The following CAMTA1 variants were observed in gnomAD, a reference collection of about 807,000 sequenced individuals.
The protein encoded by CAMTA1 is calmodulin binding transcription activator 1, also known as calmodulin-binding transcription activator 1.
Under a neutral mutation model 170.9 loss-of-function variants are expected in CAMTA1, and 27 were observed. The ratio of observed to expected loss-of-function variants is 0.16; its 90% confidence interval spans 0.12 to 0.22. The LOEUF (loss-of-function observed/expected upper bound fraction) is 0.22, where lower values mean the gene tolerates loss of function less well. Among genes scored for constraint, CAMTA1 ranks in the 10% least tolerant of loss-of-function variants. The pLI is 1.00. For synonymous variants in CAMTA1, 833 were observed against 891.5 expected (o/e 0.93, Z 1.17); for missense variants, 1,619 against 2,217.2 (o/e 0.73, Z 5.42).
intron 4 of CAMTA1, among the ~76,000 whole-genome samples, chr1:7,102,494 G>A (rs922229426): frequency 4.6e-5 from 7 of 152,188 alleles, no homozygotes; most frequent in African/African-American, 1.4e-4. Context: ...ATGGCAGCTG[G>A]TGCCTAGGCC....
intron 6 of CAMTA1, among the ~76,000 whole-genome samples, chr1:7,541,947 C>T (rs918020102): frequency 6.6e-6 from 1 of 152,226 alleles, no homozygotes; most frequent in African/African-American, 2.4e-5. Flanking sequence ...CTCACTGCTT[C>T]CTCGGCGTTC....
intron 7 of CAMTA1, among the ~76,000 whole-genome samples, chr1:7,645,937 C>T (rs58167413): frequency 0.25 from 37,589 of 152,266 alleles, 9,525 homozygotes; most frequent in African/African-American, 0.65. Flanking sequence ...ACCTCCATGG[C>T]AGGTGGTGGA....
intron 3 of CAMTA1, among the ~76,000 whole-genome samples, chr1:7,001,589 A>G (rs952252854): frequency 6.6e-6 from 1 of 152,246 alleles, no homozygotes; most frequent in African/African-American, 2.4e-5. Context: ...GACGACAGCC[A>G]GTGTGGTCTC....
chr1:7,666,686 G>A (rs1359602569), intron 9 of CAMTA1, among the ~76,000 whole-genome samples: 2 of 152,282 alleles, frequency 1.3e-5, no homozygotes, highest in East Asian at 1.9e-4. Flanking sequence ...CGGCCCACTC[G>A]GCTGGAGAAC....
intron 3 of CAMTA1, among the ~76,000 whole-genome samples, chr1:6,846,841 T>C (rs1658359084): frequency 1.3e-5 from 2 of 152,092 alleles, no homozygotes; most frequent in South Asian, 4.2e-4. Context: ...GTCTGGCTAA[T>C]TGGAAGTAAA....
intron 19 of CAMTA1, among the ~76,000 whole-genome samples, chr1:7,750,229 G>A (rs998284295): frequency 1.4e-4 from 22 of 152,184 alleles, no homozygotes; most frequent in African/African-American, 5.1e-4. Flanking sequence ...ACCAAAGAAG[G>A]TTCTTGCAGA....
intron 3 of CAMTA1, among the ~76,000 whole-genome samples, chr1:6,921,369 G>T (rs1253366949): frequency 6.6e-6 from 1 of 152,112 alleles, no homozygotes; most frequent in East Asian, 1.9e-4. Flanking sequence ...GGACCTTATT[G>T]TTCATATCAT....
Position 7,181,608 on chromosome 1 carries a change from TG to T in CAMTA1, c.303-67882del, listed in dbSNP as rs201130150. ...ATAAGAACCACATAAATAACCAGTTTGAGGACGCAATAGCAACAAAGAAGAT... is the reference window on the plus strand; with the variant it reads ...ATAAGAACCACATAAATAACCAGTTTAGGACGCAATAGCAACAAAGAAGAT... On this transcript the variant is annotated intron_variant, in intron 4 of 22. Coordinates refer to ENST00000303635, the MANE Select transcript of CAMTA1 (RefSeq NM_015215.4). 8.9e-3 allele frequency among the ~76,000 whole-genome samples: 1,360 copies of T among 152,214 alleles called. 15 individuals are homozygous for T. The highest frequency in any genetic ancestry group is 0.015 in the Admixed American group (235 of 15,282).
intron 5 of CAMTA1, among the ~76,000 whole-genome samples, chr1:7,319,248 G>C (rs1302174830): frequency 1.3e-5 from 2 of 152,142 alleles, no homozygotes; most frequent in African/African-American, 4.8e-5. Context: ...GTTTGGATCT[G>C]TGTCCCCGCC....
rs1708678818 is a variant in CAMTA1, at chr1:7,064,258, C to A, written c.235-27046C>A. Among the ~76,000 whole-genome samples, 1 of 151,464 alleles carries A rather than the reference C, an allele frequency of 6.6e-6. No homozygotes were observed. The highest frequency in any genetic ancestry group is 2.4e-5 in the African/African-American group (1 of 41,132). On this transcript the variant is annotated intron_variant, in intron 3 of 22. Transcript: ENST00000303635. The surrounding 1 kb of genome is among the most constrained non-coding windows in gnomAD (Gnocchi z 5.4). ...TCCTCTTGTTCTTGTTCTTTTCTTC[C>A]TCTTGTTCTCTCTCTCTCACTCTCT...
intron 6 of CAMTA1, among the ~76,000 whole-genome samples, chr1:7,498,541 G>A (rs2093883370): frequency 6.6e-6 from 1 of 152,088 alleles, no homozygotes; most frequent in South Asian, 2.1e-4. Flanking sequence ...TGTTGCATGT[G>A]TGCATGTTAA....
intron 3 of CAMTA1, among the ~76,000 whole-genome samples, chr1:6,939,029 C>T (rs1208620638): frequency 1.3e-5 from 2 of 152,206 alleles, no homozygotes; most frequent in Non-Finnish European, 1.5e-5. Flanking sequence ...GCACAGTCCT[C>T]GCCCTGGGAC....
chr1:6,985,256 G>T (rs944077150), intron 3 of CAMTA1, among the ~76,000 whole-genome samples: 2 of 152,330 alleles, frequency 1.3e-5, no homozygotes, highest in East Asian at 3.9e-4. Context: ...GGCGTCCTGG[G>T]TTTGCCCAAG....
At chr1:7,005,702 C>T (rs1698894413) in intron 3 of CAMTA1, among the ~76,000 whole-genome samples, 1 of 152,210 alleles carries the variant, frequency 6.6e-6, no homozygotes, top group African/African-American at 2.4e-5. Flanking sequence ...CGTAGGTATT[C>T]CCTCCAGTCT....
chr1:7,164,714 T>C (rs1558191490), intron 4 of CAMTA1, among the ~76,000 whole-genome samples: 1 of 152,264 alleles, frequency 6.6e-6, no homozygotes, highest in Non-Finnish European at 1.5e-5. Flanking sequence ...TTCCTTGTTT[T>C]TGCAGCGTTT....
intron 11 of CAMTA1, among the ~76,000 whole-genome samples, chr1:7,713,301 A>G (rs2096585382): frequency 6.6e-6 from 1 of 152,182 alleles, no homozygotes; most frequent in Non-Finnish European, 1.5e-5. Context: ...GATGAGAGAA[A>G]GAGGAGGAAG....
Position 7,270,288 on chromosome 1 carries a change from TATA to T in CAMTA1, c.438+20663_438+20665del, listed in dbSNP as rs1165064370. ...ACACACACACACATATATATATATA[TATA>T]TTTTTTTTTTTTTTTCTTGTGAGAT... On this transcript the variant is annotated intron_variant, in intron 5 of 22. Transcript: ENST00000303635. Among the ~76,000 whole-genome samples the T allele has an allele frequency of 1.7e-3, 201 of 119,552 alleles. 7 individuals carry two copies. Among genetic ancestry groups the T allele is most frequent in the African/African-American group, 6.3e-3 (175 of 27,814 alleles). 78.4% of individuals were successfully genotyped at this position (119,552 alleles called of 152,430 possible).
At chr1:6,954,648 C>G (rs1203977242) in intron 3 of CAMTA1, among the ~76,000 whole-genome samples, 1 of 152,190 alleles carries the variant, frequency 6.6e-6, no homozygotes. Context: ...GGCTCTTGCT[C>G]AAGGCCACAC....
At chr1:7,104,109 C>G (rs973601838) in intron 4 of CAMTA1, among the ~76,000 whole-genome samples, 2 of 114,210 alleles carry the variant, frequency 1.8e-5, no homozygotes, top group Middle Eastern at 4.3e-3. Context: ...CAACTACACA[C>G]ATGTACACAC....
Sources: gnomAD v4.1 joint callset for allele counts (sites outside exome capture counted in the v4.1 genomes callset) on GRCh38, gnomAD v4.1.1 for gene constraint, Gnocchi (gnomAD v3.1) non-coding constraint, MANE v1.5 for transcripts, NCBI Gene and HGNC (gene_info 2026-07-23, HGNC 2026-07-21) for gene names.